Variants in PALLD observed in about 807,000 individuals in gnomAD.
PALLD encodes the protein palladin.
In PALLD, 61 loss-of-function variants were observed where a neutral mutation model predicts 123.5. The observed-to-expected ratio is 0.49, with a 90% CI of 0.40 to 0.61. The LOEUF is 0.61. Ranked by LOEUF, PALLD falls within the 20% of genes least tolerant of loss-of-function variation. PALLD has a pLI of 0.00. For synonymous variants in PALLD, 465 were observed against 496.4 expected (o/e 0.94, Z 0.84); for missense variants, 1,273 against 1,377.0 (o/e 0.92, Z 1.20).
chr4:168,724,360 C>G (rs1378016538), intron 10 of PALLD, among the ~76,000 whole-genome samples: 1 of 152,140 alleles, frequency 6.6e-6, no homozygotes, highest in Non-Finnish European at 1.5e-5. Context: ...TTCATTCATA[C>G]TAATACATCA....
rs542342305 is a variant in PALLD, at chr4:168,910,639, C to T, written c.2623-3288C>T. Among the ~76,000 whole-genome samples, 6 of 152,194 alleles carry T rather than the reference C, an allele frequency of 3.9e-5. No homozygotes were observed. In the East Asian group the frequency reaches 1.2e-3, roughly 29 times the overall value. ...GCCCGGTGCTTTACAAGTATTAATG[C>T]CTTTAATCTTCATAAGAACCCATTA... On this transcript the variant is annotated intron_variant, in intron 15 of 21. Transcript: ENST00000505667.
rs528612669 is a variant in PALLD at position 168,556,723 on chromosome 4, CAA to C, written c.908+44316_908+44317del. Among the ~76,000 whole-genome samples, 9 of 152,230 alleles carry C rather than the reference CAA, an allele frequency of 5.9e-5. 1 individual carries two copies. The South Asian group carries it at 1.9e-3, about 32-fold the overall frequency. ...AACATCTTAATTCAAACCAGCCTAA[CAA>C]AAAAGACTGAGAAAATATGAAAGTA... On this transcript the variant is annotated intron_variant, in intron 2 of 21. Transcript: ENST00000505667.
intron 10 of PALLD, among the ~76,000 whole-genome samples, chr4:168,783,322 A>T (rs1380051330): frequency 1.3e-5 from 2 of 152,288 alleles, no homozygotes; most frequent in East Asian, 3.9e-4. Flanking sequence ...AAGAGAGCTA[A>T]GCAATAATAT....
intron 10 of PALLD, among the ~76,000 whole-genome samples, chr4:168,813,148 T>G (rs1741416315): frequency 6.6e-6 from 1 of 152,136 alleles, no homozygotes; most frequent in Admixed American, 6.6e-5. Flanking sequence ...CTACCACATG[T>G]TTAATGACCG....
chr4:168,733,144 A>G (rs1787348366), intron 10 of PALLD, among the ~76,000 whole-genome samples: 1 of 152,194 alleles, frequency 6.6e-6, no homozygotes, highest in South Asian at 2.1e-4. Flanking sequence ...TAATTGAGAT[A>G]TCTGTCACCT....
chr4:168,539,685 A>C (rs900137560), intron 2 of PALLD, among the ~76,000 whole-genome samples: 4 of 152,142 alleles, frequency 2.6e-5, no homozygotes. Context: ...ATTTATGAAA[A>C]TGCAACACAC....
chr4:168,861,770 C>G (rs1389943015), intron 10 of PALLD, among the ~76,000 whole-genome samples: 1 of 152,074 alleles, frequency 6.6e-6, no homozygotes, highest in Non-Finnish European at 1.5e-5. Context: ...ATCCTCCCAT[C>G]TCAGCCTCCC....
chr4:168,749,981 C>T (rs1188762438), intron 10 of PALLD, among the ~76,000 whole-genome samples: 1 of 150,156 alleles, frequency 6.7e-6, no homozygotes, highest in Non-Finnish European at 1.5e-5. Flanking sequence ...GAGTCTCGCT[C>T]TGTCACCCAG....
chr4:168,605,108 C>T (rs1184415380), intron 2 of PALLD, among the ~76,000 whole-genome samples: 2 of 152,112 alleles, frequency 1.3e-5, no homozygotes, highest in African/African-American at 4.8e-5. Context: ...ATTAACTGAG[C>T]TCCAAATGTG....
At chr4:168,907,926 C>T (rs1758150021) in intron 15 of PALLD, among the ~76,000 whole-genome samples, 1 of 152,120 alleles carries the variant, frequency 6.6e-6, no homozygotes, top group South Asian at 2.1e-4. Context: ...CAACCAACTC[C>T]AAAGATCAGT....
chr4:168,653,237 C>A (rs1778225323), intron 2 of PALLD, among the ~76,000 whole-genome samples: 1 of 152,070 alleles, frequency 6.6e-6, no homozygotes, highest in Non-Finnish European at 1.5e-5. Context: ...AGTACCCAGA[C>A]AACTATTTTT....
chr4:168,700,392 A>G (rs1161654448), intron 8 of PALLD: 1 of 152,386 alleles, frequency 6.6e-6, no homozygotes, highest in East Asian at 1.9e-4. Flanking sequence ...CACGTGAACT[A>G]TATACAGGCA....
intron 2 of PALLD, among the ~76,000 whole-genome samples, chr4:168,581,382 G>T (rs1406108680): frequency 2.6e-5 from 4 of 151,910 alleles, no homozygotes; most frequent in African/African-American, 9.7e-5. Flanking sequence ...GTGTACAAGG[G>T]TTTGCTTTTC....
At chr4:168,894,323 C>T in intron 11 of PALLD, 2 of 493,576 alleles carry the variant, frequency 4.1e-6, no homozygotes, top group South Asian at 2.3e-5. Flanking sequence ...TGGTTTCTTC[C>T]TTGTCGCTTA....
chr4:168,538,695 G>A (rs1399669939), intron 2 of PALLD, among the ~76,000 whole-genome samples: 1 of 152,070 alleles, frequency 6.6e-6, no homozygotes, highest in Admixed American at 6.5e-5. Flanking sequence ...CCAGACCTTA[G>A]GAGAAAAAAC....
At position 168,815,634 on chromosome 4, in the gene PALLD, T is replaced by G. The variant is rs117628917; in HGVS notation, c.1965-75288T>G. Among the ~76,000 whole-genome samples the G allele has an allele frequency of 8.6e-4, 131 of 152,362 alleles. 2 individuals carry two copies. In the East Asian group the frequency reaches 0.021, roughly 25 times the overall value. ...GAGAGAACGTGCTTCCTATAGGATT[T>G]GATCTGCTGCTTATTCTGATCAAAG... On this transcript the variant is annotated intron_variant, in intron 10 of 21. Transcript: ENST00000505667.
At chr4:168,898,417 T>TA in intron 13 of PALLD, 76 bp from the exon 14 acceptor site, 2 of 903,668 alleles carry the variant, frequency 2.2e-6, no homozygotes, top group Non-Finnish European at 3.7e-6. Flanking sequence ...TCTAGGGCCT[T>TA]ATTGGGGGGC....
intron 3 of PALLD, among the ~76,000 whole-genome samples, chr4:168,680,501 A>C (rs1371941257): frequency 1.2e-4 from 18 of 145,404 alleles, no homozygotes; most frequent in East Asian, 5.9e-4. Flanking sequence ...AAAAAAAAAA[A>C]AAAAAAAAAC....
At chr4:168,622,416 G>A (rs1405640733) in intron 2 of PALLD, among the ~76,000 whole-genome samples, 2 of 152,134 alleles carry the variant, frequency 1.3e-5, no homozygotes, top group Non-Finnish European at 2.9e-5. Context: ...CTCACCAGTC[G>A]GCATGATTCA....
Sources: gnomAD v4.1 joint callset for allele counts (sites outside exome capture counted in the v4.1 genomes callset) on GRCh38, gnomAD v4.1.1 for gene constraint, MANE v1.5 for transcripts, NCBI Gene and HGNC (gene_info 2026-07-23, HGNC 2026-07-21) for gene names.